Variants in FAM50B observed in about 807,000 individuals in gnomAD.
FAM50B encodes the protein family with sequence similarity 50 member B.
A neutral mutation model predicts 25.4 loss-of-function variants in FAM50B; 9 were observed. That is an observed-to-expected ratio of 0.35 (90% CI 0.21 to 0.62). FAM50B has a LOEUF of 0.62. Among genes scored for constraint, FAM50B ranks in the 20% least tolerant of loss-of-function variants. FAM50B has a pLI of 0.73. For missense variants in FAM50B, 372 were observed against 477.9 expected (o/e 0.78, Z 2.07); for synonymous variants, 212 against 204.3 (o/e 1.04, Z -0.32).
chr6:3,832,461 C>A, the FAM50B span, among the ~76,000 whole-genome samples: 1 of 152,258 alleles, frequency 6.6e-6, no homozygotes, highest in African/African-American at 2.4e-5. Flanking sequence ...ATCCAACCAG[C>A]TTCACGCAGC....
At chr6:3,833,511 G>C in the FAM50B span, 1 of 152,148 alleles carries the variant, frequency 6.6e-6, no homozygotes, top group South Asian at 2.1e-4. Context: ...GTTTTTGTTT[G>C]GATGGCTATC....
rs140976994 is a variant in FAM50B at position 3,849,920 on chromosome 6, G to A, written c.109G>A (p.Glu37Lys). The change falls in exon 2 of 2, where the codon GAG (glutamate) becomes AAG (lysine). Residue 37 changes from glutamate (E) to lysine (K), a missense_variant. Coordinates refer to ENST00000648326, the MANE Select transcript of FAM50B (RefSeq NM_012135.3). ...QMEVLKQRIAEETILKSQVDK... is the reference protein window; with the variant it reads ...QMEVLKQRIAKETILKSQVDK... ...GGAGGTGCTGAAGCAGCGCATCGCC[G>A]AGGAGACCATCCTCAAGTCGCAGGT... 2.7e-5 allele frequency: 43 copies of A among 1,613,552 alleles called. No individual in the cohort carries two copies. The Admixed American group carries it at 3.8e-4, about 14-fold the overall frequency.
At chr6:3,841,367 G>A in the FAM50B span, among the ~76,000 whole-genome samples, 1 of 152,176 alleles carries the variant, frequency 6.6e-6, no homozygotes, top group African/African-American at 2.4e-5. Flanking sequence ...ATGAAGCTGG[G>A]GGTGTCAGTG....
At chr6:3,833,569 C>A in the FAM50B span, 1 of 152,178 alleles carries the variant, frequency 6.6e-6, no homozygotes, top group African/African-American at 2.4e-5. Flanking sequence ...TCCCCTCTAC[C>A]CCCAGCTTTA....
the FAM50B span, among the ~76,000 whole-genome samples, chr6:3,835,417 C>T: frequency 6.6e-6 from 1 of 152,222 alleles, no homozygotes; most frequent in East Asian, 1.9e-4. Context: ...CTCATCCCTC[C>T]TCTGCCCTTT....
At chr6:3,834,487 G>C in the FAM50B span, among the ~76,000 whole-genome samples, 1 of 151,112 alleles carries the variant, frequency 6.6e-6, no homozygotes, top group Non-Finnish European at 1.5e-5. Context: ...AATATACAAA[G>C]AGTTCTTATA....
chr6:3,849,970 C>A lies in FAM50B; in HGVS notation c.159C>A (p.Tyr53Ter). ...SQVDKRFSAHYDAVEAELKSS... is the reference protein window; with the variant it reads ...SQVDKRFSAH ...TGGACAAGAGGTTCTCGGCGCATTACGACGCCGTGGAGGCCGAGCTGAAGT... is the reference window on the plus strand; with the variant it reads ...TGGACAAGAGGTTCTCGGCGCATTAAGACGCCGTGGAGGCCGAGCTGAAGT... The change falls in exon 2 of 2, where the codon TAC becomes TAA. Residue 53 changes from tyrosine to a stop codon, truncating the protein, a stop_gained. Coordinates refer to ENST00000648326, the MANE Select transcript of FAM50B (RefSeq NM_012135.3). LOFTEE classifies it high-confidence loss of function. The A allele has an allele frequency of 6.2e-7, 1 of 1,613,884 alleles. No individual in the cohort carries two copies. Among genetic ancestry groups the A allele is most frequent in the Non-Finnish European group, 8.5e-7 (1 of 1,179,950 alleles).
chr6:3,840,338 T>TG, the FAM50B span, among the ~76,000 whole-genome samples: 5 of 151,484 alleles, frequency 3.3e-5, no homozygotes, highest in African/African-American at 7.3e-5. Context: ...CTGGGCATGG[T>TG]GGGGGGTGCC....
At chr6:3,834,888 T>G in the FAM50B span, among the ~76,000 whole-genome samples, 1 of 152,204 alleles carries the variant, frequency 6.6e-6, no homozygotes. Context: ...AATTAACATA[T>G]GCATTAAAAG....
the FAM50B span, chr6:3,833,887 AC>A: frequency 6.6e-6 from 1 of 152,230 alleles, no homozygotes; most frequent in Non-Finnish European, 1.5e-5. Flanking sequence ...TTTTATTTAA[AC>A]CAGTGAAAGT....
At chr6:3,849,562 CCA>C (rs1248896605) in intron 1 of FAM50B, 76 bp downstream of exon 1, 8 of 576,140 alleles carry the variant, frequency 1.4e-5, no homozygotes, top group Non-Finnish European at 2.0e-5. Context: ...GGCATGGCAG[CCA>C]CCCGTTACGT....
chr6:3,847,108 G>A (rs1762132590), upstream of FAM50B, among the ~76,000 whole-genome samples: 1 of 152,160 alleles, frequency 6.6e-6, no homozygotes, highest in Admixed American at 6.5e-5. Flanking sequence ...ATTTTTAAGG[G>A]CACTAAGATT....
the FAM50B span, among the ~76,000 whole-genome samples, chr6:3,839,623 AT>A: frequency 1.3e-5 from 2 of 152,146 alleles, no homozygotes; most frequent in Non-Finnish European, 2.9e-5. Context: ...AAACATTGCT[AT>A]TTTTGCTATA....
chr6:3,850,630 C>G lies in FAM50B; in HGVS notation c.819C>G (p.Asp273Glu). Residue 273 changes from aspartate to glutamate, a missense_variant, in exon 2 of 2, where the codon GAC (aspartate) becomes GAG (glutamate). This residue lies in a region of FAM50B where 27 missense variants were observed against 61.6 expected (regional missense o/e 0.44). Coordinates refer to ENST00000648326, the MANE Select transcript of FAM50B (RefSeq NM_012135.3). ...GPLFSFDVHD[D>E]VRLLSDATME... ...TCTTCAGCTTCGATGTGCACGATGACGTGCGCCTGCTCAGCGACGCCACCA... is the reference window on the plus strand; with the variant it reads ...TCTTCAGCTTCGATGTGCACGATGAGGTGCGCCTGCTCAGCGACGCCACCA... The G allele has an allele frequency of 6.2e-7, 1 of 1,614,130 alleles. No homozygotes were observed. Among genetic ancestry groups the G allele is most frequent in the Non-Finnish European group, 8.5e-7 (1 of 1,180,046 alleles).
At position 3,850,219 on chromosome 6, in the gene FAM50B, C is replaced by T. The variant is rs1762193542; in HGVS notation, c.408C>T (p.Ala136=). The change falls in exon 2 of 2, where the codon GCC becomes GCT. Residue 136 remains alanine, a synonymous_variant. Transcript: ENST00000648326. ...DLDDQADAAE[A]RRAGNLGKNP... is the part of the protein sequence containing the mutation. ...ATGACCAGGCCGACGCGGCCGAGGC[C>T]AGGCGCGCCGGAAACCTGGGCAAGA... is the stretch of plus-strand genomic sequence containing the variant. The T allele has an allele frequency of 1.2e-6, 2 of 1,613,310 alleles. No homozygotes were observed. The highest frequency in any genetic ancestry group is 1.7e-6 in the Non-Finnish European group (2 of 1,179,858).
the FAM50B span, among the ~76,000 whole-genome samples, chr6:3,840,603 A>G: frequency 1.9e-4 from 29 of 152,350 alleles, no homozygotes; most frequent in Middle Eastern, 6.8e-3. Context: ...CACCACTCAA[A>G]GGCCGGAACA....
chr6:3,836,878 C>T, the FAM50B span, among the ~76,000 whole-genome samples: 2 of 152,152 alleles, frequency 1.3e-5, no homozygotes, highest in African/African-American at 2.4e-5. Flanking sequence ...AGGCTACAGT[C>T]CCTGAGATCA....
chr6:3,838,312 T>C, the FAM50B span, among the ~76,000 whole-genome samples: 2 of 151,274 alleles, frequency 1.3e-5, no homozygotes, highest in Non-Finnish European at 3.0e-5. Context: ...CCCCATCTTT[T>C]TTAAGAAAAC....
At chr6:3,847,849 T>C (rs1013903093), upstream of FAM50B, among the ~76,000 whole-genome samples, 3 of 152,162 alleles carry the variant, frequency 2.0e-5, no homozygotes, top group African/African-American at 4.8e-5. Context: ...CATTGTAGGG[T>C]TATTAATTGG....
Sources: gnomAD v4.1 joint callset for allele counts (sites outside exome capture counted in the v4.1 genomes callset) on GRCh38, gnomAD v4.1.1 for gene constraint, gnomAD v4.1.1 regional missense constraint, MANE v1.5 for transcripts, NCBI Gene and HGNC (gene_info 2026-07-23, HGNC 2026-07-21) for gene names.